MAF: variants seen among roughly 807,000 people sequenced by gnomAD.
The protein encoded by MAF is transcription factor Maf.
Under a neutral mutation model 22.0 loss-of-function variants are expected in MAF, and 10 were observed. The ratio of observed to expected loss-of-function variants is 0.45; its 90% confidence interval spans 0.28 to 0.77. The LOEUF (loss-of-function observed/expected upper bound fraction) is 0.77. Ranked by LOEUF, MAF falls within the 30% of genes least tolerant of loss-of-function variation. The pLI is 0.12. For missense variants in MAF, 544 were observed against 548.4 expected, an observed-to-expected ratio of 0.99 and a Z score of 0.08; for synonymous variants, 337 against 255.8, an observed-to-expected ratio of 1.32 and a Z score of -3.03.
the MAF span, among the ~76,000 whole-genome samples, chr16:79,299,129 T>C: frequency 6.6e-6 from 1 of 152,152 alleles, no homozygotes; most frequent in Non-Finnish European, 1.5e-5. Context: ...TTCTCCCTCC[T>C]CTGCTGTCAT....
At chr16:79,405,895 T>A in the MAF span, among the ~76,000 whole-genome samples, 1 of 152,184 alleles carries the variant, frequency 6.6e-6, no homozygotes, top group Non-Finnish European at 1.5e-5. Flanking sequence ...CTTTCCCATT[T>A]CAATGCACAC....
At position 79,600,501 on chromosome 16, in the gene MAF, C is replaced by T. The variant is rs778725495; in HGVS notation, c.-599G>A. 1 of 195,104 alleles carries T rather than the reference C, an allele frequency of 5.1e-6. No individual in the cohort carries two copies. Among genetic ancestry groups the T allele is most frequent in the Admixed American group, 6.3e-5 (1 of 15,830 alleles). 12.1% of individuals were successfully genotyped at this position (195,104 alleles called of 1,614,324 possible). On this transcript the variant is annotated 5_prime_UTR_variant, in exon 1 of 2. Coordinates refer to ENST00000326043, the MANE Select transcript of MAF (RefSeq NM_005360.5). ...CTTTATTATTTTTTTTCTTTCCTCT[C>T]TCTCCCTCGCGCGCTCTCTACCTCT...
chr16:79,206,621 G>T, the MAF span: 2 of 152,188 alleles, frequency 1.3e-5, no homozygotes, highest in African/African-American at 2.4e-5. Flanking sequence ...CACTGAAAAA[G>T]CCGGGCAGTT....
chr16:79,259,646 T>C, the MAF span, among the ~76,000 whole-genome samples: 2 of 152,196 alleles, frequency 1.3e-5, no homozygotes, highest in Admixed American at 6.5e-5. Flanking sequence ...AGGCTCTTGG[T>C]TGCATATAAA....
the MAF span, among the ~76,000 whole-genome samples, chr16:79,464,443 G>A: frequency 6.6e-6 from 1 of 152,124 alleles, no homozygotes; most frequent in Non-Finnish European, 1.5e-5. Flanking sequence ...GGACAATGCT[G>A]TCCAATCTTT....
chr16:79,271,077 T>A, the MAF span, among the ~76,000 whole-genome samples: 1 of 103,662 alleles, frequency 9.6e-6, no homozygotes, highest in Admixed American at 1.1e-4. Context: ...TCTGGCATTT[T>A]TTTTTATTTT....
At chr16:79,454,543 T>C in the MAF span, among the ~76,000 whole-genome samples, 1 of 152,156 alleles carries the variant, frequency 6.6e-6, no homozygotes, top group Non-Finnish European at 1.5e-5. Context: ...CTTTAAGTGA[T>C]GTCAAAGAAT....
intron 1 of MAF, chr16:79,597,610 TTGGAG>T: frequency 2.0e-6 from 2 of 1,022,476 alleles, no homozygotes; most frequent in Non-Finnish European, 2.3e-6. Flanking sequence ...CAAAGCAGTT[TTGGAG>T]CAGATGCAAA....
the MAF span, among the ~76,000 whole-genome samples, chr16:79,265,951 T>G: frequency 6.6e-6 from 1 of 152,230 alleles, no homozygotes. Flanking sequence ...CAGGGATATG[T>G]TGAACACAGG....
chr16:79,501,622 A>G, the MAF span, among the ~76,000 whole-genome samples: 1 of 152,182 alleles, frequency 6.6e-6, no homozygotes, highest in Non-Finnish European at 1.5e-5. Flanking sequence ...CCCTAACTTC[A>G]GTGTTGATGC....
At chr16:79,377,022 C>T in the MAF span, among the ~76,000 whole-genome samples, 1 of 152,144 alleles carries the variant, frequency 6.6e-6, no homozygotes, top group African/African-American at 2.4e-5. Context: ...GTTTTATAAT[C>T]CTTTGGGTAT....
the MAF span, among the ~76,000 whole-genome samples, chr16:79,495,319 G>A: frequency 2.0e-5 from 3 of 151,938 alleles, no homozygotes; most frequent in South Asian, 6.2e-4. Flanking sequence ...TTTTTTAAAT[G>A]GGACATAGTG....
chr16:79,466,895 T>C, the MAF span, among the ~76,000 whole-genome samples: 1 of 152,196 alleles, frequency 6.6e-6, no homozygotes, highest in Non-Finnish European at 1.5e-5. Context: ...TCTGTGGCTT[T>C]TACCAGTGTG....
the MAF span, among the ~76,000 whole-genome samples, chr16:79,442,704 G>T: frequency 1.3e-5 from 2 of 152,198 alleles, no homozygotes; most frequent in African/African-American, 4.8e-5. Flanking sequence ...GAACTACCTT[G>T]CCTGGCTGAA....
the MAF span, among the ~76,000 whole-genome samples, chr16:79,530,186 T>A: frequency 6.6e-6 from 1 of 152,190 alleles, no homozygotes; most frequent in Admixed American, 6.5e-5. Context: ...AAGGTCCTGT[T>A]TATCTTTACA....
At chr16:79,494,884 T>C in the MAF span, among the ~76,000 whole-genome samples, 2 of 152,274 alleles carry the variant, frequency 1.3e-5, no homozygotes, top group East Asian at 3.9e-4. Context: ...GGTTCTATAA[T>C]TTGCTAGGGT....
chr16:79,213,650 T>C, the MAF span, among the ~76,000 whole-genome samples: 2 of 152,178 alleles, frequency 1.3e-5, no homozygotes. Context: ...TGCTGGATGA[T>C]GAGAGACACG....
the MAF span, among the ~76,000 whole-genome samples, chr16:79,525,117 C>CT: frequency 2.6e-4 from 39 of 151,636 alleles, no homozygotes; most frequent in South Asian, 5.0e-3. Flanking sequence ...CGATTTAACG[C>CT]TTTTTTTTTC....
downstream of MAF, among the ~76,000 whole-genome samples, chr16:79,584,826 A>G (rs961762336): frequency 2.6e-5 from 4 of 152,230 alleles, no homozygotes; most frequent in African/African-American, 9.6e-5. Context: ...TTCACAATCC[A>G]GTAATTTAAA....
Sources: allele counts gnomAD v4.1 joint callset (sites outside exome capture counted in the v4.1 genomes callset), GRCh38; gene constraint gnomAD v4.1.1; transcripts MANE v1.5; gene names NCBI Gene and HGNC (gene_info 2026-07-23, HGNC 2026-07-21).